The following ATM variants were observed in gnomAD, a reference collection of about 807,000 sequenced individuals.
ATM encodes serine-protein kinase ATM.
A neutral mutation model predicts 387.0 loss-of-function variants in ATM; 308 were observed. The ratio of observed to expected loss-of-function variants is 0.80; its 90% CI spans 0.73 to 0.87. The LOEUF (loss-of-function observed/expected upper bound fraction) is 0.87, where lower values mean the gene tolerates loss of function less well. Among genes scored for constraint, ATM ranks in the 40% least tolerant of loss-of-function variants. The pLI is 0.00. For synonymous variants in ATM, 1,156 were observed against 1,187.3 expected, an observed-to-expected ratio of 0.97 and a Z score of 0.54; for missense variants, 3,312 against 3,560.9, an observed-to-expected ratio of 0.93 and a Z score of 1.78.
At chr11:108,262,169 GAC>G (rs1163381462) in intron 16 of ATM, among the ~76,000 whole-genome samples, 1 of 152,134 alleles carries the variant, frequency 6.6e-6, no homozygotes, top group Non-Finnish European at 1.5e-5. Flanking sequence ...GCAACTCCAA[GAC>G]ACATAATTGT....
intron 39 of ATM, 37 bp downstream of exon 39, chr11:108,310,352 T>C (rs767895953): frequency 1.0e-5 from 16 of 1,571,988 alleles, no homozygotes; most frequent in Non-Finnish European, 1.4e-5. Flanking sequence ...TTAAAATTAA[T>C]GTTGGCATTG....
At position 108,360,443 on chromosome 11, in the gene ATM, T is replaced by A. The variant is rs1280686184; in HGVS notation, c.8851-4639T>A. On this transcript the variant is annotated intron_variant, in intron 61 of 62. Coordinates refer to ENST00000675843, the MANE Select transcript of ATM (RefSeq NM_000051.4). ...AAGAGGGAATCCTCCCTAACTCATT[T>A]TATGAGGCCAGCATCATTCTGATAC... Among the ~76,000 whole-genome samples the A allele has an allele frequency of 3.0e-5, 4 of 133,802 alleles. No homozygotes were observed. In the South Asian group the frequency reaches 1.1e-3, roughly 36 times the overall value. The allele number at this position is 133,802 out of a possible 152,430, so 87.8% of individuals were successfully genotyped here.
intron 45 of ATM, among the ~76,000 whole-genome samples, chr11:108,322,962 C>T (rs1183666267): frequency 6.6e-6 from 1 of 151,910 alleles, no homozygotes; most frequent in Non-Finnish European, 1.5e-5. Context: ...TTTGGGTCCT[C>T]AGTTTCCTCA....
At chr11:108,253,456 C>T (rs2080265218) in intron 12 of ATM, among the ~76,000 whole-genome samples, 1 of 151,890 alleles carries the variant, frequency 6.6e-6, no homozygotes, top group South Asian at 2.1e-4. Flanking sequence ...GTTTTTAAAC[C>T]TATGCTCTTT....
At chr11:108,262,249 C>T (rs1041650534) in intron 16 of ATM, among the ~76,000 whole-genome samples, 5 of 152,212 alleles carry the variant, frequency 3.3e-5, no homozygotes, top group Admixed American at 2.0e-4. Flanking sequence ...TCGGGTTACC[C>T]TGAGAGGGAA....
At chr11:108,243,683 A>G (rs1429612431) in intron 5 of ATM, among the ~76,000 whole-genome samples, 11 of 152,220 alleles carry the variant, frequency 7.2e-5, no homozygotes, top group Admixed American at 6.5e-4. Context: ...ATGATGGAAC[A>G]GAGGCTTAGA....
At position 108,366,356 on chromosome 11, in the gene ATM, A is replaced by G. The variant is rs1388354063; in HGVS notation, c.*848A>G. 2 of 213,872 alleles carry G rather than the reference A, an allele frequency of 9.4e-6. No homozygotes were observed. The highest frequency in any genetic ancestry group is 1.9e-5 in the Non-Finnish European group (2 of 106,040). The allele number at this position is 213,872 out of a possible 1,614,324, so 13.2% of individuals were successfully genotyped here. ...AATTGTTTTTCATTTCTAATTATGC[A>G]TCATTTTTCAGATCTCTGTTTCTTG... is the stretch of plus-strand genomic sequence containing the variant. On this transcript the variant is annotated 3_prime_UTR_variant, in exon 63 of 63. Transcript: ENST00000675843.
intron 61 of ATM, 140 bp downstream of exon 61, chr11:108,355,014 G>A: frequency 1.3e-6 from 1 of 741,824 alleles, no homozygotes; most frequent in East Asian, 2.6e-5. Context: ...GGAGGAGATT[G>A]TGCACTTAGC....
chr11:108,316,327 G>C (rs1489728277), intron 42 of ATM, among the ~76,000 whole-genome samples: 1 of 152,194 alleles, frequency 6.6e-6, no homozygotes, highest in Non-Finnish European at 1.5e-5. Flanking sequence ...AGGAAAGTCA[G>C]ACAGGTCATT....
At chr11:108,343,090 G>T in intron 56 of ATM, 132 bp from the exon 57 acceptor site, 2 of 1,152,960 alleles carry the variant, frequency 1.7e-6, no homozygotes, top group Non-Finnish European at 2.6e-6. Context: ...AAGGAGCTTT[G>T]TCTTCTATGG....
At chr11:108,238,922 C>CT (rs754873182) in intron 5 of ATM, among the ~76,000 whole-genome samples, 11 of 152,084 alleles carry the variant, frequency 7.2e-5, no homozygotes, top group Non-Finnish European at 1.5e-4. Flanking sequence ...ATCTCCAGAA[C>CT]TTTTTTTTCT....
rs1323986602 is a variant in ATM at position 108,367,512 on chromosome 11, C to G, written c.*2004C>G. On this transcript the variant is annotated 3_prime_UTR_variant, in exon 63 of 63. Coordinates refer to ENST00000675843, the MANE Select transcript of ATM (RefSeq NM_000051.4). The stretch of plus-strand genomic sequence containing the variant: ...GATAAAAAGCCACCTGAAAGTAAAA[C>G]TACTGACTCGTGTATTAGTGAGTAT... 2 of 205,354 alleles carry G rather than the reference C, an allele frequency of 9.7e-6. No homozygotes were observed. Among genetic ancestry groups the G allele is most frequent in the African/African-American group, 2.3e-5 (1 of 43,784 alleles). The allele number at this position is 205,354 out of a possible 1,614,324, so 12.7% of individuals were successfully genotyped here.
intron 32 of ATM, 137 bp downstream of exon 32, chr11:108,295,196 C>T (rs1591685676): frequency 8.5e-6 from 10 of 1,176,898 alleles, no homozygotes; most frequent in South Asian, 5.0e-5. Flanking sequence ...CATTTCTCAT[C>T]TAACTGTAAA....
intron 32 of ATM, among the ~76,000 whole-genome samples, chr11:108,296,311 C>T (rs906402075): frequency 6.6e-6 from 1 of 151,656 alleles, no homozygotes; most frequent in African/African-American, 2.4e-5. Flanking sequence ...AGTGCAGTGG[C>T]ACAGTCTCAG....
intron 5 of ATM, among the ~76,000 whole-genome samples, chr11:108,240,494 A>G (rs2079500939): frequency 6.6e-6 from 1 of 152,206 alleles, no homozygotes; most frequent in Admixed American, 6.5e-5. Flanking sequence ...ATTTATACAA[A>G]CTTAGATGGT....
intron 16 of ATM, among the ~76,000 whole-genome samples, chr11:108,266,789 AT>A (rs893198517): frequency 3.5e-3 from 462 of 132,584 alleles, no homozygotes; most frequent in African/African-American, 3.8e-3. Context: ...GATTAGGTAA[AT>A]TTTTTTTTTT....
At chr11:108,301,583 G>C (rs962682588) in intron 34 of ATM, 65 bp from the exon 35 acceptor site, 1 of 1,595,220 alleles carries the variant, frequency 6.3e-7, no homozygotes, top group Non-Finnish European at 8.6e-7. Context: ...TTTTTCAGTG[G>C]AGGTTAACAT....
intron 7 of ATM, 136 bp downstream of exon 7, chr11:108,245,162 G>T: frequency 1.3e-6 from 1 of 780,520 alleles, no homozygotes; most frequent in South Asian, 1.6e-5. Context: ...TTAGCCATGA[G>T]AATGTTTTTC....
At chr11:108,269,794 T>TC (rs1336771242) in intron 18 of ATM, among the ~76,000 whole-genome samples, 6 of 152,168 alleles carry the variant, frequency 3.9e-5, no homozygotes, top group Non-Finnish European at 8.8e-5. Context: ...TGGTCATGTT[T>TC]CCCACCCTTG....
Sources: allele counts gnomAD v4.1 joint callset (sites outside exome capture counted in the v4.1 genomes callset), GRCh38; gene constraint gnomAD v4.1.1; transcripts MANE v1.5; gene names NCBI Gene and HGNC (gene_info 2026-07-23, HGNC 2026-07-21).